CNOT7: variants seen among roughly 807,000 people sequenced by gnomAD.
The protein encoded by CNOT7 is BTG1-binding factor 1.
Under a neutral mutation model 37.1 loss-of-function variants are expected in CNOT7, and 4 were observed. That is an observed-to-expected ratio of 0.11 (90% CI 0.05 to 0.25). CNOT7 has a LOEUF of 0.25. Ranked by LOEUF, CNOT7 falls within the 10% of genes least tolerant of loss-of-function variation. The probability of loss-of-function intolerance (pLI) is 1.00; values close to 1 mark genes in which losing one functional copy is unlikely to be tolerated. For synonymous variants in CNOT7, 128 were observed against 115.6 expected, an observed-to-expected ratio of 1.11 and a Z score of -0.69; for missense variants, 170 against 336.2, an observed-to-expected ratio of 0.51 and a Z score of 3.87.
Position 17,230,547 on chromosome 8 carries a change from T to G in CNOT7, c.*173A>C. 7.1e-6 allele frequency: 3 copies of G among 419,850 alleles called. No individual in the cohort carries two copies. Among genetic ancestry groups the G allele is most frequent in the Non-Finnish European group, 1.2e-5 (3 of 241,624 alleles). 26.0% of individuals were successfully genotyped at this position (419,850 alleles called of 1,614,324 possible). A position where few individuals can be genotyped will look rare whatever the true frequency, so the allele number is the denominator to read the frequency against. On this transcript the variant is annotated 3_prime_UTR_variant, in exon 7 of 7. Coordinates refer to ENST00000361272, the MANE Select transcript of CNOT7 (RefSeq NM_013354.7). The stretch of plus-strand genomic sequence containing the variant: ...CTGAATGCGTTTTTTTTTTTCTTTT[T>G]ATTAAGATCTGAGATAGGAACGGTC...
intron 3 of CNOT7, chr8:17,242,470 ATAC>A (rs1395721971): frequency 3.9e-5 from 6 of 152,324 alleles, no homozygotes; most frequent in Admixed American, 6.5e-5. Flanking sequence ...AGGTTCAAGG[ATAC>A]TACTACTTCT....
rs759913039 is a variant in CNOT7, at chr8:17,233,328, GCTTTGC to G, written c.619-797_619-792del. 1.8e-4 allele frequency among the ~76,000 whole-genome samples: 28 copies of G among 152,318 alleles called. No individual in the cohort carries two copies. The East Asian group carries it at 3.1e-3, about 17-fold the overall frequency. ...TCTGTGCATCACAGCTTGAAACAAG[GCTTTGC>G]ACAGCAGTTGCTTCTGCGCTAAAAA... On this transcript the variant is annotated intron_variant, in intron 5 of 6. Coordinates refer to ENST00000361272, the MANE Select transcript of CNOT7 (RefSeq NM_013354.7).
intron 2 of CNOT7, 112 bp from the exon 3 acceptor site, chr8:17,243,297 T>C: frequency 1.3e-6 from 1 of 770,226 alleles, no homozygotes; most frequent in Non-Finnish European, 2.1e-6. Flanking sequence ...TCTACACATT[T>C]ATATTCAATT....
At position 17,234,619 on chromosome 8, in the gene CNOT7, A is replaced by C. The variant is rs746348164; in HGVS notation, c.618+97T>G. The C allele has an allele frequency of 3.9e-6, 5 of 1,294,878 alleles. No individual in the cohort carries two copies. In the Admixed American group the frequency reaches 5.1e-5, roughly 13 times the overall value. 80.2% of individuals were successfully genotyped at this position (1,294,878 alleles called of 1,614,324 possible). On this transcript the variant is annotated intron_variant, in intron 5 of 6. Coordinates refer to ENST00000361272, the MANE Select transcript of CNOT7 (RefSeq NM_013354.7). ...ATAATTGCATTCACTGTAATACTTT[A>C]AAATATGGTTTAAAACAACATCCCA...
In CNOT7 at chr8:17,226,432, C is replaced by T. The variant is rs1808167872; in HGVS notation, c.*4288G>A. ...AAATACTGACACATCCACCCATGAG[C>T]ATGTGATTTTAGTTAAGCATATTCA... On this transcript the variant is annotated 3_prime_UTR_variant, in exon 7 of 7. Coordinates refer to ENST00000361272, the MANE Select transcript of CNOT7 (RefSeq NM_013354.7). The T allele has an allele frequency of 6.6e-6, 1 of 151,662 alleles. No homozygotes were observed. The highest frequency in any genetic ancestry group is 2.1e-4 in the South Asian group (1 of 4,834). The allele number at this position is 151,662 out of a possible 1,614,324, so 9.4% of individuals were successfully genotyped here.
chr8:17,243,608 C>A, intron 2 of CNOT7: 1 of 457,736 alleles, frequency 2.2e-6, no homozygotes, highest in Non-Finnish European at 4.4e-6. Flanking sequence ...CAAGGTTTTT[C>A]TCAACACCAA....
chr8:17,245,217 T>C lies in CNOT7; in HGVS notation c.-65A>G. 2 of 1,495,128 alleles carry C rather than the reference T, an allele frequency of 1.3e-6. No individual in the cohort carries two copies. Among genetic ancestry groups the C allele is most frequent in the Non-Finnish European group, 1.8e-6 (2 of 1,117,924 alleles). 92.6% of individuals were successfully genotyped at this position (1,495,128 alleles called of 1,614,324 possible). A position where few individuals can be genotyped will look rare whatever the true frequency, so the allele number is the denominator to read the frequency against. On this transcript the variant is annotated 5_prime_UTR_variant, in exon 2 of 7. Transcript: ENST00000361272. ...TGTTATACTTGATTGAAGATTTGTT[T>C]CATAAAATATTTTATCCTTTATTTA... is the stretch of plus-strand genomic sequence containing the variant.
intron 4 of CNOT7, among the ~76,000 whole-genome samples, chr8:17,235,908 AT>A (rs1455285841): frequency 6.6e-6 from 1 of 152,192 alleles, no homozygotes; most frequent in East Asian, 1.9e-4. Context: ...GTTCATCTTA[AT>A]ACCCAGTGCC....
intron 3 of CNOT7, among the ~76,000 whole-genome samples, chr8:17,239,523 TCTCA>T (rs1809852802): frequency 6.6e-6 from 1 of 152,272 alleles, no homozygotes; most frequent in South Asian, 2.1e-4. Flanking sequence ...TGAGACGGAG[TCTCA>T]CTCTGTCGCC....
chr8:17,226,266 T>C lies in CNOT7; in HGVS notation c.*4454A>G, dbSNP rs1452672596. Reference sequence around the variant, plus strand: ...TTGGCAGGGGACGGGAGGTAACATTTTGCTCAATTTGGGCTGAAAGTTGGT... The same window carrying C: ...TTGGCAGGGGACGGGAGGTAACATTCTGCTCAATTTGGGCTGAAAGTTGGT... On this transcript the variant is annotated 3_prime_UTR_variant, in exon 7 of 7. Coordinates refer to ENST00000361272, the MANE Select transcript of CNOT7 (RefSeq NM_013354.7). 6.6e-6 allele frequency: 1 copy of C among 151,324 alleles called. No homozygotes were observed. Among genetic ancestry groups the C allele is most frequent in the African/African-American group, 2.4e-5 (1 of 41,300 alleles). The allele number at this position is 151,324 out of a possible 1,614,324, so 9.4% of individuals were successfully genotyped here.
chr8:17,231,819 C>T (rs1390778451), intron 6 of CNOT7: 3 of 985,520 alleles, frequency 3.0e-6, no homozygotes, highest in African/African-American at 3.5e-5. Flanking sequence ...TGCCTTTTGC[C>T]GTTTAAGGAG....
At chr8:17,231,832 T>A (rs568298160) in intron 6 of CNOT7, 1 of 985,628 alleles carries the variant, frequency 1.0e-6, no homozygotes, top group South Asian at 4.7e-5. Flanking sequence ...TTAAGGAGGG[T>A]TTTCCTAATA....
intron 3 of CNOT7, among the ~76,000 whole-genome samples, chr8:17,240,645 C>G (rs1003626437): frequency 6.6e-6 from 1 of 152,088 alleles, no homozygotes; most frequent in African/African-American, 2.4e-5. Flanking sequence ...CTCCTTCTCA[C>G]GTACTGAGAT....
At chr8:17,242,860 G>A (rs953217013) in intron 3 of CNOT7, 132 bp downstream of exon 3, 40 of 510,920 alleles carry the variant, frequency 7.8e-5, no homozygotes, top group African/African-American at 7.3e-4. Context: ...CTTTTGAAAT[G>A]TTACGTTTTA....
At chr8:17,232,679 CAG>C (rs1808788702) in intron 5 of CNOT7, 142 bp from the exon 6 acceptor site, 9 of 668,632 alleles carry the variant, frequency 1.3e-5, no homozygotes, top group Non-Finnish European at 2.0e-5. Flanking sequence ...GGGGAAGAAA[CAG>C]AGAATGTGAA....
Position 17,228,714 on chromosome 8 carries a change from G to C in CNOT7, c.*2006C>G, listed in dbSNP as rs747037876. 16 of 151,880 alleles carry C rather than the reference G, an allele frequency of 1.1e-4. No homozygotes were observed. The highest frequency in any genetic ancestry group is 2.4e-4 in the Non-Finnish European group (16 of 67,824). 9.4% of individuals were successfully genotyped at this position (151,880 alleles called of 1,614,324 possible). Reference sequence around the variant, plus strand: ...CTTTTTAGGGACAGAAGCCAGAAATGATACAAGTTATGAGATTGAGCAACT... The same window carrying C: ...CTTTTTAGGGACAGAAGCCAGAAATCATACAAGTTATGAGATTGAGCAACT... On this transcript the variant is annotated 3_prime_UTR_variant, in exon 7 of 7. Transcript: ENST00000361272.
At chr8:17,233,980 G>C (rs1019049155) in intron 5 of CNOT7, among the ~76,000 whole-genome samples, 12 of 152,286 alleles carry the variant, frequency 7.9e-5, no homozygotes, top group African/African-American at 2.9e-4. Flanking sequence ...CTTGAACCCG[G>C]GAGGCGGAGG....
chr8:17,239,744 C>A (rs780293941), intron 3 of CNOT7, among the ~76,000 whole-genome samples: 1 of 151,882 alleles, frequency 6.6e-6, no homozygotes, highest in Non-Finnish European at 1.5e-5. Flanking sequence ...CCGCCCGCCT[C>A]GGCCTCCCAA....
chr8:17,236,614 A>C (rs1331744351), intron 4 of CNOT7, among the ~76,000 whole-genome samples: 1 of 152,176 alleles, frequency 6.6e-6, no homozygotes, highest in Non-Finnish European at 1.5e-5. Context: ...TTTAAAAAAA[A>C]ATTAAAATCC....
Sources: gnomAD v4.1 joint callset for allele counts (sites outside exome capture counted in the v4.1 genomes callset) on GRCh38, gnomAD v4.1.1 for gene constraint, MANE v1.5 for transcripts, NCBI Gene and HGNC (gene_info 2026-07-23, HGNC 2026-07-21) for gene names.